Variants in LRP1B observed in about 807,000 individuals in gnomAD.
The protein encoded by LRP1B is LDL receptor related protein 1B.
In LRP1B, 217 loss-of-function variants were observed where a neutral mutation model predicts 556.6. The ratio of observed to expected loss-of-function variants is 0.39; its 90% CI spans 0.35 to 0.44. The LOEUF is 0.44. LRP1B is among the 20% of genes least tolerant of loss of function. The pLI is 1.00. For synonymous variants in LRP1B, 2,047 were observed against 1,865.8 expected (o/e 1.10, Z -2.50); for missense variants, 5,053 against 5,620.8 (o/e 0.90, Z 3.23).
At chr2:140,443,242 T>G (rs1185704068) in intron 65 of LRP1B, among the ~76,000 whole-genome samples, 1 of 152,012 alleles carries the variant, frequency 6.6e-6, no homozygotes, top group Non-Finnish European at 1.5e-5. Flanking sequence ...TGTATTTTTA[T>G]TAGAGATAGG....
At chr2:141,030,601 C>A (rs1034319051) in intron 11 of LRP1B, among the ~76,000 whole-genome samples, 1 of 151,918 alleles carries the variant, frequency 6.6e-6, no homozygotes, top group South Asian at 2.1e-4. Flanking sequence ...GCATTGCTAT[C>A]CAGTGCAGGC....
chr2:141,236,907 A>C (rs1683666546), intron 5 of LRP1B, among the ~76,000 whole-genome samples: 1 of 152,192 alleles, frequency 6.6e-6, no homozygotes, highest in Admixed American at 6.6e-5. Flanking sequence ...ATGGTCCTCC[A>C]AACTAGATTC....
At chr2:140,466,079 G>GT (rs1203523759) in intron 60 of LRP1B, among the ~76,000 whole-genome samples, 3 of 150,068 alleles carry the variant, frequency 2.0e-5, no homozygotes, top group Non-Finnish European at 3.0e-5. Context: ...AATAGTGCAG[G>GT]TCGGGGGGTG....
intron 7 of LRP1B, among the ~76,000 whole-genome samples, chr2:141,107,600 C>T (rs531157568): frequency 5.8e-4 from 88 of 152,130 alleles, no homozygotes; most frequent in Admixed American, 4.8e-3. Flanking sequence ...GAGCTGAGAT[C>T]GCGCCACTGC....
At chr2:141,633,071 G>A (rs1280596894) in intron 2 of LRP1B, among the ~76,000 whole-genome samples, 2 of 152,076 alleles carry the variant, frequency 1.3e-5, no homozygotes, top group African/African-American at 4.8e-5. Flanking sequence ...ATTTCCACCT[G>A]AATGGTATTT....
intron 1 of LRP1B, among the ~76,000 whole-genome samples, chr2:141,912,570 A>G (rs1437349588): frequency 6.6e-6 from 1 of 152,168 alleles, no homozygotes; most frequent in African/African-American, 2.4e-5. Context: ...CGATGTGGGG[A>G]GAGGACAATG....
chr2:140,456,635 A>G, intron 61 of LRP1B, 32 bp from the exon 62 acceptor site: 1 of 1,589,614 alleles, frequency 6.3e-7, no homozygotes, highest in Non-Finnish European at 8.6e-7. Context: ...CAACAACAAA[A>G]CAGGATAATC....
At chr2:141,644,135 T>C (rs1276957597) in intron 2 of LRP1B, among the ~76,000 whole-genome samples, 4 of 151,608 alleles carry the variant, frequency 2.6e-5, no homozygotes, top group African/African-American at 4.8e-5. Context: ...CCCCACACAA[T>C]GATAGTTTTC....
chr2:140,646,311 ACC>A lies in LRP1B; in HGVS notation c.6800-44674_6800-44673del, dbSNP rs555183850. On this transcript the variant is annotated intron_variant, in intron 41 of 90. Coordinates refer to ENST00000389484, the MANE Select transcript of LRP1B (RefSeq NM_018557.3). Reference sequence around the variant, plus strand: ...AAAAACCTGGCAGGTAGACCTGATCACCGCATGTTTGAACATTAAAGAGAGAA... The same window carrying A: ...AAAAACCTGGCAGGTAGACCTGATCAGCATGTTTGAACATTAAAGAGAGAA... 2.3e-3 allele frequency among the ~76,000 whole-genome samples: 352 copies of A among 152,340 alleles called. 1 individual carries two copies. The highest frequency in any genetic ancestry group is 4.1e-3 in the Non-Finnish European group (276 of 68,034).
intron 23 of LRP1B, among the ~76,000 whole-genome samples, chr2:140,896,819 C>G (rs146823689): frequency 0.025 from 3,837 of 151,642 alleles, 68 homozygotes; most frequent in Non-Finnish European, 0.038. Context: ...TTTTTAATGT[C>G]AAGAGGGATA....
intron 76 of LRP1B, among the ~76,000 whole-genome samples, chr2:140,351,392 C>A (rs1239690953): frequency 6.6e-6 from 1 of 151,978 alleles, no homozygotes; most frequent in African/African-American, 2.4e-5. Context: ...GTTGTATACT[C>A]ATTAAGCTTC....
intron 31 of LRP1B, among the ~76,000 whole-genome samples, chr2:140,824,965 T>C (rs1691453819): frequency 6.6e-6 from 1 of 152,174 alleles, no homozygotes. Context: ...GAGGATATAA[T>C]AGTAAATAAA....
In LRP1B at chr2:141,308,936, T is replaced by C. The variant is rs553495388; in HGVS notation, c.344-54295A>G. The stretch of plus-strand genomic sequence containing the variant: ...ATCTCATATAATTTAAATTTAAAGA[T>C]AATATTTGATATTATAATTTGATGA... On this transcript the variant is annotated intron_variant, in intron 3 of 90. Transcript: ENST00000389484. Among the ~76,000 whole-genome samples the C allele has an allele frequency of 3.9e-5, 6 of 152,306 alleles. No homozygotes were observed. The South Asian group carries it at 1.2e-3, about 32-fold the overall frequency.
chr2:141,468,633 A>T (rs1682334909), intron 3 of LRP1B, among the ~76,000 whole-genome samples: 1 of 152,174 alleles, frequency 6.6e-6, no homozygotes. Flanking sequence ...TGAGACCACT[A>T]AAGTAATATT....
intron 25 of LRP1B, among the ~76,000 whole-genome samples, chr2:140,882,254 T>C (rs1247770374): frequency 1.3e-5 from 2 of 152,162 alleles, no homozygotes; most frequent in Non-Finnish European, 2.9e-5. Flanking sequence ...CTAGCAACTT[T>C]GTGGGAAGTG....
At chr2:140,911,440 T>C (rs1208399548) in intron 21 of LRP1B, among the ~76,000 whole-genome samples, 1 of 151,772 alleles carries the variant, frequency 6.6e-6, no homozygotes, top group Non-Finnish European at 1.5e-5. Context: ...TTTTCCAAAA[T>C]ATATTAGCTT....
chr2:140,515,169 C>T (rs1689839346), intron 50 of LRP1B, among the ~76,000 whole-genome samples: 2 of 151,998 alleles, frequency 1.3e-5, no homozygotes, highest in South Asian at 2.1e-4. Context: ...AAAACACTTA[C>T]GTCCTAAGTA....
chr2:141,104,458 T>A (rs1359561806), intron 7 of LRP1B, among the ~76,000 whole-genome samples: 3 of 152,212 alleles, frequency 2.0e-5, no homozygotes, highest in African/African-American at 7.2e-5. Flanking sequence ...GACCTAGCTC[T>A]GTCATTTTAC....
intron 15 of LRP1B, among the ~76,000 whole-genome samples, chr2:140,995,029 C>T (rs1316118601): frequency 6.6e-6 from 1 of 151,992 alleles, no homozygotes; most frequent in East Asian, 1.9e-4. Flanking sequence ...AAAAAGCACT[C>T]AGGGCACATA....
Sources: gnomAD v4.1 joint callset for allele counts (sites outside exome capture counted in the v4.1 genomes callset) on GRCh38, gnomAD v4.1.1 for gene constraint, MANE v1.5 for transcripts, NCBI Gene and HGNC (gene_info 2026-07-23, HGNC 2026-07-21) for gene names.